Variants in NFAT5 observed in about 807,000 individuals in gnomAD.
NFAT5 encodes the protein nuclear factor of activated T-cells 5.
Under a neutral mutation model 166.5 loss-of-function variants are expected in NFAT5, and 31 were observed. The observed-to-expected ratio is 0.19, with a 90% CI of 0.14 to 0.25. NFAT5 has a LOEUF of 0.25. Ranked by LOEUF, NFAT5 falls within the 10% of genes least tolerant of loss-of-function variation. The pLI, the probability that NFAT5 is intolerant of heterozygous loss-of-function variation, is 1.00. For missense variants in NFAT5, 1,449 were observed against 1,821.8 expected (o/e 0.80, Z 3.72); for synonymous variants, 612 against 639.7 (o/e 0.96, Z 0.65).
intron 7 of NFAT5, among the ~76,000 whole-genome samples, chr16:69,663,292 T>A (rs1307995746): frequency 6.6e-6 from 1 of 152,216 alleles, no homozygotes; most frequent in Non-Finnish European, 1.5e-5. Flanking sequence ...GGCCATTGGA[T>A]CCTTTGTCTT....
intron 9 of NFAT5, among the ~76,000 whole-genome samples, chr16:69,670,513 T>C (rs946957623): frequency 2.6e-5 from 4 of 152,222 alleles, no homozygotes; most frequent in Admixed American, 6.5e-5. Context: ...AACAAATGTT[T>C]CCATTGTTAA....
At chr16:69,588,977 C>CTTTTTTTTTTTT (rs1409931325) in intron 2 of NFAT5, among the ~76,000 whole-genome samples, 2 of 78,566 alleles carry the variant, frequency 2.5e-5, no homozygotes, top group African/African-American at 8.7e-5. Flanking sequence ...TCTTTTCCTA[C>CTTTTTTTTTTTT]TTCTTTTTTT....
chr16:69,658,757 G>A (rs1372086672), intron 6 of NFAT5, among the ~76,000 whole-genome samples: 2 of 152,140 alleles, frequency 1.3e-5, no homozygotes, highest in East Asian at 3.9e-4. Context: ...AACCCAGGAG[G>A]GAGAGGTTGT....
chr16:69,657,758 CAA>C (rs1161075361), intron 6 of NFAT5, among the ~76,000 whole-genome samples: 17 of 51,250 alleles, frequency 3.3e-4, no homozygotes, highest in Admixed American at 5.1e-4. Flanking sequence ...GACTCCATCT[CAA>C]AAAAAAAAAA....
chr16:69,569,506 G>A (rs1044995689), intron 2 of NFAT5, among the ~76,000 whole-genome samples: 2 of 152,060 alleles, frequency 1.3e-5, no homozygotes, highest in Non-Finnish European at 2.9e-5. Flanking sequence ...TCCCTTGGAG[G>A]TAGTCCGGGA....
chr16:69,675,642 G>GT (rs912783529), intron 9 of NFAT5, among the ~76,000 whole-genome samples: 21 of 150,838 alleles, frequency 1.4e-4, no homozygotes, highest in South Asian at 2.1e-4. Flanking sequence ...TTGTTTTTTT[G>GT]TTTTTTTTGT....
At chr16:69,660,689 T>C (rs140268209) in intron 7 of NFAT5, among the ~76,000 whole-genome samples, 1 of 152,302 alleles carries the variant, frequency 6.6e-6, no homozygotes, top group Non-Finnish European at 1.5e-5. Flanking sequence ...TGTGTGCGTG[T>C]TTGTGTGTGT....
chr16:69,633,186 A>G (rs1275610802), intron 3 of NFAT5, among the ~76,000 whole-genome samples: 1 of 152,198 alleles, frequency 6.6e-6, no homozygotes, highest in Admixed American at 6.5e-5. Flanking sequence ...TCCTCTTAAT[A>G]ACACTTTTAT....
intron 2 of NFAT5, among the ~76,000 whole-genome samples, chr16:69,589,701 C>T (rs187030379): frequency 6.6e-6 from 1 of 152,024 alleles, no homozygotes; most frequent in Non-Finnish European, 1.5e-5. Flanking sequence ...CTTGAATTCT[C>T]AACCCAAGAA....
At chr16:69,650,659 C>T (rs564067903) in intron 4 of NFAT5, among the ~76,000 whole-genome samples, 7 of 152,164 alleles carry the variant, frequency 4.6e-5, no homozygotes, top group African/African-American at 1.7e-4. Context: ...ATGAATTTTC[C>T]TTGTATTTCA....
At chr16:69,568,677 C>A in intron 2 of NFAT5, 129 bp downstream of exon 2, 1 of 622,422 alleles carries the variant, frequency 1.6e-6, no homozygotes, top group Non-Finnish European at 2.6e-6. Context: ...AGAGTCTGAT[C>A]CTTCTTTTAG....
intron 2 of NFAT5, among the ~76,000 whole-genome samples, chr16:69,595,943 T>C (rs758763204): frequency 3.3e-5 from 5 of 152,216 alleles, no homozygotes; most frequent in Non-Finnish European, 7.3e-5. Context: ...ATTCATGTCC[T>C]GGATGGGATG....
chr16:69,572,471 A>G (rs1263996094), intron 2 of NFAT5, among the ~76,000 whole-genome samples: 1 of 152,040 alleles, frequency 6.6e-6, no homozygotes, highest in East Asian at 1.9e-4. Flanking sequence ...ATTGTTTGCC[A>G]TTAGTAAGTT....
At chr16:69,694,330 C>G (rs1335416944) in intron 13 of NFAT5, 91 bp downstream of exon 13, 11 of 937,486 alleles carry the variant, frequency 1.2e-5, no homozygotes, top group Non-Finnish European at 1.6e-5. Flanking sequence ...CTCACTGCAC[C>G]TGCACCCTCT....
chr16:69,645,459 A>T (rs751262041), intron 3 of NFAT5, among the ~76,000 whole-genome samples: 3 of 152,182 alleles, frequency 2.0e-5, no homozygotes, highest in Non-Finnish European at 4.4e-5. Flanking sequence ...AATATTAATT[A>T]CTGTGCTTTT....
At chr16:69,636,908 C>T (rs911869717) in intron 3 of NFAT5, among the ~76,000 whole-genome samples, 1 of 152,204 alleles carries the variant, frequency 6.6e-6, no homozygotes, top group Non-Finnish European at 1.5e-5. Flanking sequence ...TTTCTGCAGC[C>T]AGCTTGAATT....
intron 2 of NFAT5, among the ~76,000 whole-genome samples, chr16:69,607,242 G>T (rs1042852563): frequency 2.0e-5 from 3 of 152,096 alleles, no homozygotes; most frequent in African/African-American, 7.2e-5. Context: ...GACTACCTTT[G>T]TTCTTTCATT....
chr16:69,664,105 T>C (rs1188190525), intron 7 of NFAT5, among the ~76,000 whole-genome samples: 1 of 152,186 alleles, frequency 6.6e-6, no homozygotes, highest in Non-Finnish European at 1.5e-5. Context: ...ACTATCCCTC[T>C]CTTAAAATTT....
intron 9 of NFAT5, among the ~76,000 whole-genome samples, chr16:69,671,456 T>C (rs966416598): frequency 2.6e-5 from 4 of 152,244 alleles, no homozygotes; most frequent in African/African-American, 9.6e-5. Flanking sequence ...CTGCAACCTC[T>C]GACTCCCTGG....
Sources: gnomAD v4.1 joint callset for allele counts (sites outside exome capture counted in the v4.1 genomes callset) on GRCh38, gnomAD v4.1.1 for gene constraint, MANE v1.5 for transcripts, NCBI Gene and HGNC (gene_info 2026-07-23, HGNC 2026-07-21) for gene names.